Variants in GHR observed in about 807,000 individuals in gnomAD.
GHR encodes the protein growth hormone receptor.
A neutral mutation model predicts 67.1 loss-of-function variants in GHR; 35 were observed. The observed-to-expected ratio is 0.52, with a 90% confidence interval of 0.40 to 0.69. The LOEUF is 0.69. Among genes scored for constraint, GHR ranks in the 30% least tolerant of loss-of-function variants. GHR has a pLI of 0.00. For synonymous variants in GHR, 272 were observed against 269.1 expected (o/e 1.01, Z -0.10); for missense variants, 792 against 764.6 (o/e 1.04, Z -0.42).
At chr5:42,426,723 G>A (rs1325759555) in intron 1 of GHR, among the ~76,000 whole-genome samples, 1 of 152,072 alleles carries the variant, frequency 6.6e-6, no homozygotes, top group East Asian at 1.9e-4. Context: ...TCATCCCTCA[G>A]CCAATTGTGT....
At chr5:42,474,249 A>AAGACAGACAGAC (rs1239569560) in intron 1 of GHR, among the ~76,000 whole-genome samples, 1 of 122,552 alleles carries the variant, frequency 8.2e-6, no homozygotes, top group African/African-American at 3.4e-5. Context: ...AAGAGAGAGA[A>AAGACAGACAGAC]AGACAGACAG....
chr5:42,497,634 C>T (rs973666285), intron 1 of GHR, among the ~76,000 whole-genome samples: 12 of 152,176 alleles, frequency 7.9e-5, no homozygotes, highest in Admixed American at 2.0e-4. Flanking sequence ...AGTTGAAACA[C>T]AGACCTTATG....
chr5:42,424,621 C>T lies in GHR; in HGVS notation c.-12+666C>T, dbSNP rs1163301453. On this transcript the variant is annotated intron_variant, in intron 1 of 9. Coordinates refer to ENST00000230882, the MANE Select transcript of GHR (RefSeq NM_000163.5). This position sits in a 1 kb window ranked among gnomAD's most constrained non-coding sequence, Gnocchi z 4.1. ...GGGGTAAGTGGAAATTGTGGCGAGCCGACCTCCCCCAGCTTTTGACACACT... is the reference window on the plus strand; with the variant it reads ...GGGGTAAGTGGAAATTGTGGCGAGCTGACCTCCCCCAGCTTTTGACACACT... 7.2e-6 allele frequency: 11 copies of T among 1,531,160 alleles called. No homozygotes were observed. Among genetic ancestry groups the T allele is most frequent in the Non-Finnish European group, 9.6e-6 (11 of 1,143,002 alleles). 94.8% of individuals were successfully genotyped at this position (1,531,160 alleles called of 1,614,324 possible).
chr5:42,534,600 A>G (rs1748173814), intron 1 of GHR, among the ~76,000 whole-genome samples: 2 of 151,896 alleles, frequency 1.3e-5, no homozygotes, highest in Admixed American at 6.6e-5. Flanking sequence ...TGATTTTTCA[A>G]TTGCAAATTG....
intron 6 of GHR, among the ~76,000 whole-genome samples, chr5:42,701,685 T>A (rs539100611): frequency 6.6e-6 from 1 of 152,342 alleles, no homozygotes; most frequent in East Asian, 1.9e-4. Context: ...TTTGCCTTTT[T>A]CGAAAATTTG....
At chr5:42,689,179 T>C (rs1757303792) in intron 4 of GHR, among the ~76,000 whole-genome samples, 160 bp downstream of exon 4, 1 of 152,196 alleles carries the variant, frequency 6.6e-6, no homozygotes, top group African/African-American at 2.4e-5. Context: ...ATCAAGCCCA[T>C]CCTATGTGCT....
chr5:42,603,871 C>A (rs1176273513), intron 2 of GHR, among the ~76,000 whole-genome samples: 1 of 152,184 alleles, frequency 6.6e-6, no homozygotes, highest in Non-Finnish European at 1.5e-5. Flanking sequence ...AGACTGTCTT[C>A]CTCAACCAAC....
intron 1 of GHR, among the ~76,000 whole-genome samples, chr5:42,512,761 C>T (rs1013889836): frequency 6.6e-6 from 1 of 151,700 alleles, no homozygotes; most frequent in African/African-American, 2.4e-5. Context: ...ACAGGTTGTT[C>T]ATTGGTTACC....
At position 42,719,965 on chromosome 5, in the gene GHR, A is replaced by AT. The variant is rs1758942402; in HGVS notation, c.*547dup. On this transcript the variant is annotated 3_prime_UTR_variant, in exon 10 of 10. Transcript: ENST00000230882. ...TTATTTTGACATAAAGTTGATAAAG[A>AT]TTTTTTAATAATTTAGACTTCAAGC... The AT allele has an allele frequency of 1.0e-5, 1 of 98,686 alleles. No individual in the cohort carries two copies. Among genetic ancestry groups the AT allele is most frequent in the African/African-American group, 4.8e-5 (1 of 20,744 alleles). 6.1% of individuals were successfully genotyped at this position (98,686 alleles called of 1,614,324 possible).
At position 42,708,296 on chromosome 5, in the gene GHR, ATAGCACATTC is replaced by A. The variant is rs543003285; in HGVS notation, c.619-2908_619-2899del. ...GGCCAGGTTTTATTCATTTACGAAA[ATAGCACATTC>A]TAATAGATTTAATTCAGAAGCAGTT... is the stretch of plus-strand genomic sequence containing the variant. On this transcript the variant is annotated intron_variant, in intron 6 of 9. Coordinates refer to ENST00000230882, the MANE Select transcript of GHR (RefSeq NM_000163.5). 6.3e-3 allele frequency among the ~76,000 whole-genome samples: 966 copies of A among 152,254 alleles called. 4 individuals carry two copies. The highest frequency in any genetic ancestry group is 1.0e-2 in the Non-Finnish European group (677 of 67,974).
intron 3 of GHR, among the ~76,000 whole-genome samples, chr5:42,659,972 G>A (rs57873128): frequency 0.016 from 2,419 of 152,270 alleles, 64 homozygotes; most frequent in African/African-American, 0.054. Context: ...CACCTGGCTC[G>A]GAGGGTCCTA....
At chr5:42,658,003 C>T (rs1241976953) in intron 3 of GHR, among the ~76,000 whole-genome samples, 2 of 152,108 alleles carry the variant, frequency 1.3e-5, no homozygotes, top group Non-Finnish European at 2.9e-5. Context: ...TTTAGTTTCT[C>T]ATTTTTTATG....
At chr5:42,468,621 G>A (rs893534891) in intron 1 of GHR, 7 of 1,051,818 alleles carry the variant, frequency 6.7e-6, no homozygotes, top group Non-Finnish European at 1.0e-5. Flanking sequence ...ACGCTGGAGG[G>A]CAGCGGGTTC....
chr5:42,500,091 C>A (rs965692209), intron 1 of GHR, among the ~76,000 whole-genome samples: 6 of 152,158 alleles, frequency 3.9e-5, no homozygotes, highest in African/African-American at 1.2e-4. Flanking sequence ...TCATTTGGAC[C>A]CTTTGTCCAA....
chr5:42,505,385 T>C (rs1746727612), intron 1 of GHR, among the ~76,000 whole-genome samples: 1 of 151,988 alleles, frequency 6.6e-6, no homozygotes, highest in Non-Finnish European at 1.5e-5. Context: ...TTTAAAAAAG[T>C]TATCATACAC....
At chr5:42,556,210 T>G (rs1749300743) in intron 1 of GHR, among the ~76,000 whole-genome samples, 1 of 152,164 alleles carries the variant, frequency 6.6e-6, no homozygotes, top group Non-Finnish European at 1.5e-5. Context: ...TTCTGTTAAC[T>G]CCAAAGAAGG....
chr5:42,495,868 A>G (rs576292260), intron 1 of GHR, among the ~76,000 whole-genome samples: 1 of 152,276 alleles, frequency 6.6e-6, no homozygotes, highest in South Asian at 2.1e-4. Flanking sequence ...CCATCATGAA[A>G]AACTTTCCTG....
intron 1 of GHR, among the ~76,000 whole-genome samples, chr5:42,498,373 T>C (rs1230541243): frequency 6.6e-6 from 1 of 152,330 alleles, no homozygotes; most frequent in East Asian, 1.9e-4. Context: ...ATGATTTATT[T>C]GTTGACTGGA....
intron 1 of GHR, among the ~76,000 whole-genome samples, chr5:42,495,222 G>A (rs1046735833): frequency 2.0e-5 from 3 of 151,940 alleles, no homozygotes; most frequent in African/African-American, 7.3e-5. Context: ...ACCACATTCA[G>A]GCCACTTAGT....
Sources: gnomAD v4.1 joint callset for allele counts (sites outside exome capture counted in the v4.1 genomes callset) on GRCh38, gnomAD v4.1.1 for gene constraint, Gnocchi (gnomAD v3.1) non-coding constraint, MANE v1.5 for transcripts, NCBI Gene and HGNC (gene_info 2026-07-23, HGNC 2026-07-21) for gene names.